Variants in DPYD observed in about 807,000 individuals in gnomAD.
The protein encoded by DPYD is dihydropyrimidine dehydrogenase [NADP(+)].
DPYD carries 109 observed loss-of-function variants against 116.2 expected under a neutral mutation model. The observed-to-expected ratio is 0.94, with a 90% CI of 0.80 to 1.10. The LOEUF is 1.10. Among genes scored for constraint, DPYD ranks in the 50% least tolerant of loss-of-function variants. The pLI is 0.00. For missense variants in DPYD, 1,302 were observed against 1,254.5 expected, an observed-to-expected ratio of 1.04 and a Z score of -0.57; for synonymous variants, 440 against 432.0, an observed-to-expected ratio of 1.02 and a Z score of -0.23.
intron 14 of DPYD, among the ~76,000 whole-genome samples, chr1:97,404,377 A>C (rs1452112110): frequency 6.6e-6 from 1 of 152,048 alleles, no homozygotes; most frequent in African/African-American, 2.4e-5. Context: ...CATTTCTGAC[A>C]GAGAAGTGTT....
chr1:97,500,692 C>T (rs1318371523), intron 13 of DPYD, among the ~76,000 whole-genome samples: 1 of 152,068 alleles, frequency 6.6e-6, no homozygotes, highest in Non-Finnish European at 1.5e-5. Context: ...TTTAAGCCTT[C>T]TTTTACTCAC....
intron 20 of DPYD, among the ~76,000 whole-genome samples, chr1:97,188,678 AG>A (rs1232054640): frequency 1.3e-5 from 2 of 152,214 alleles, no homozygotes; most frequent in Non-Finnish European, 2.9e-5. Context: ...TCACAAAAGA[AG>A]TGACATTTAA....
At chr1:97,265,886 A>AT (rs1265660981) in intron 18 of DPYD, among the ~76,000 whole-genome samples, 1 of 152,272 alleles carries the variant, frequency 6.6e-6, no homozygotes, top group Admixed American at 6.5e-5. Flanking sequence ...CCATCACTCT[A>AT]TTTTGGTCTA....
chr1:97,779,486 A>T (rs1251429267), intron 3 of DPYD, among the ~76,000 whole-genome samples: 1 of 152,046 alleles, frequency 6.6e-6, no homozygotes, highest in Non-Finnish European at 1.5e-5. Context: ...CTACAAAATA[A>T]AGTACCTGTC....
At chr1:97,548,883 C>T (rs1203870553) in intron 12 of DPYD, among the ~76,000 whole-genome samples, 1 of 151,852 alleles carries the variant, frequency 6.6e-6, no homozygotes, top group Admixed American at 6.6e-5. Flanking sequence ...CAGATCAAAC[C>T]ATCTTTTGGA....
intron 7 of DPYD, among the ~76,000 whole-genome samples, chr1:97,684,311 C>T (rs1660593018): frequency 6.6e-6 from 1 of 152,108 alleles, no homozygotes; most frequent in African/African-American, 2.4e-5. Context: ...CATACAGGAG[C>T]AAGTTGTTCA....
chr1:97,648,943 T>C (rs1320806148), intron 8 of DPYD, among the ~76,000 whole-genome samples: 3 of 152,050 alleles, frequency 2.0e-5, no homozygotes, highest in African/African-American at 7.2e-5. Context: ...GTGTCCTATA[T>C]TGAATCTAAA....
chr1:97,722,855 A>G (rs902526231), intron 4 of DPYD, among the ~76,000 whole-genome samples: 2 of 151,560 alleles, frequency 1.3e-5, no homozygotes, highest in South Asian at 2.1e-4. Flanking sequence ...ACTATATAGG[A>G]TGTCCATTGC....
intron 14 of DPYD, among the ~76,000 whole-genome samples, chr1:97,398,706 G>T (rs1026025008): frequency 6.6e-6 from 1 of 152,138 alleles, no homozygotes; most frequent in Admixed American, 6.6e-5. Flanking sequence ...GTGATGATGA[G>T]CATTTTTTCA....
At chr1:97,685,390 C>A (rs1660663115) in intron 7 of DPYD, among the ~76,000 whole-genome samples, 2 of 152,072 alleles carry the variant, frequency 1.3e-5, no homozygotes, top group Admixed American at 6.5e-5. Context: ...AATATCATAC[C>A]AAATGGGCAA....
intron 3 of DPYD, among the ~76,000 whole-genome samples, chr1:97,813,941 C>T (rs1297034628): frequency 2.0e-4 from 30 of 151,716 alleles, no homozygotes; most frequent in Admixed American, 1.9e-3. Context: ...CACACACACA[C>T]ACACACACAC....
At chr1:97,241,182 A>G (rs2100772407) in intron 18 of DPYD, among the ~76,000 whole-genome samples, 2 of 152,116 alleles carry the variant, frequency 1.3e-5, no homozygotes, top group African/African-American at 4.8e-5. Flanking sequence ...GTGGATTCAT[A>G]TTAAATAACT....
In DPYD at chr1:97,883,644, G is replaced by T. The variant is rs569603623; in HGVS notation, c.40-270C>A. Reference sequence around the variant, plus strand: ...ATATTTTTAATAGAGATGAGGTTTCGCCATGTTGCCCAGGCTGGTCTTGAA... The same window carrying T: ...ATATTTTTAATAGAGATGAGGTTTCTCCATGTTGCCCAGGCTGGTCTTGAA... On this transcript the variant is annotated intron_variant, in intron 1 of 22. Transcript: ENST00000370192. Among the ~76,000 whole-genome samples, 15 of 151,772 alleles carry T rather than the reference G, an allele frequency of 9.9e-5. No homozygotes were observed. In the South Asian group the frequency reaches 2.7e-3, roughly 27 times the overall value.
chr1:97,644,098 G>A (rs1050081172), intron 8 of DPYD, among the ~76,000 whole-genome samples: 3 of 151,324 alleles, frequency 2.0e-5, no homozygotes, highest in South Asian at 4.2e-4. Flanking sequence ...AAAGAAAATT[G>A]TATTTTTAAA....
At chr1:97,891,390 A>G (rs1571539888) in intron 1 of DPYD, among the ~76,000 whole-genome samples, 2 of 150,826 alleles carry the variant, frequency 1.3e-5, no homozygotes, top group African/African-American at 4.9e-5. Flanking sequence ...TTTCAGTAAC[A>G]CAATAAAGAT....
intron 18 of DPYD, among the ~76,000 whole-genome samples, chr1:97,292,219 A>G (rs1044011725): frequency 6.6e-6 from 1 of 152,166 alleles, no homozygotes; most frequent in African/African-American, 2.4e-5. Flanking sequence ...CTGCTGTATT[A>G]TAAGCTACAT....
chr1:97,568,623 G>T (rs1652691481), intron 11 of DPYD, among the ~76,000 whole-genome samples: 1 of 151,942 alleles, frequency 6.6e-6, no homozygotes, highest in South Asian at 2.1e-4. Context: ...GTATTATGAA[G>T]AATACAACAA....
intron 2 of DPYD, among the ~76,000 whole-genome samples, chr1:97,845,305 C>A (rs1230055163): frequency 1.3e-5 from 2 of 152,142 alleles, no homozygotes; most frequent in Non-Finnish European, 2.9e-5. Flanking sequence ...CACACACTTA[C>A]TCCCTTCTGA....
intron 3 of DPYD, chr1:97,797,105 A>G (rs2101307783): frequency 6.6e-6 from 1 of 152,298 alleles, no homozygotes; most frequent in South Asian, 2.1e-4. Context: ...ATATTTTACA[A>G]CAGAGTCTTA....
Sources: gnomAD v4.1 joint callset for allele counts (sites outside exome capture counted in the v4.1 genomes callset) on GRCh38, gnomAD v4.1.1 for gene constraint, MANE v1.5 for transcripts, NCBI Gene and HGNC (gene_info 2026-07-23, HGNC 2026-07-21) for gene names.